The following ADAMTS17 variants were observed in gnomAD, a reference collection of about 807,000 sequenced individuals.
ADAMTS17 encodes the protein ADAM metallopeptidase with thrombospondin type 1 motif 17, also known as A disintegrin and metalloproteinase with thrombospondin motifs 17.
ADAMTS17 carries 113 observed loss-of-function variants against 141.5 expected under a neutral mutation model. The observed-to-expected ratio is 0.80, with a 90% CI of 0.69 to 0.93. ADAMTS17 has a LOEUF of 0.93. Ranked by LOEUF, ADAMTS17 falls within the 40% of genes least tolerant of loss-of-function variation. The probability of loss-of-function intolerance (pLI) is 0.00; values close to 1 mark genes in which losing one functional copy is unlikely to be tolerated. For synonymous variants in ADAMTS17, 768 were observed against 630.6 expected, an observed-to-expected ratio of 1.22 and a Z score of -3.27; for missense variants, 1,659 against 1,517.9, an observed-to-expected ratio of 1.09 and a Z score of -1.54.
rs1387737632 is a variant in ADAMTS17, at chr15:99,976,550, A to G, written c.2950-328T>C. The G allele has an allele frequency of 1.4e-5, 7 of 496,000 alleles. No individual in the cohort carries two copies. The East Asian group carries it at 2.3e-4, about 16-fold the overall frequency. The allele number at this position is 496,000 out of a possible 1,614,324, so 30.7% of individuals were successfully genotyped here. ...ACTGTTTCAAGATGTTATGGAATAC[A>G]TGTTTGTGTCTCTGCAAAATGCAGA... is the stretch of plus-strand genomic sequence containing the variant. On this transcript the variant is annotated intron_variant, in intron 20 of 21. Coordinates refer to ENST00000268070, the MANE Select transcript of ADAMTS17 (RefSeq NM_139057.4).
chr15:100,278,295 G>A (rs1240982455), intron 4 of ADAMTS17, among the ~76,000 whole-genome samples: 2 of 150,710 alleles, frequency 1.3e-5, no homozygotes, highest in Admixed American at 1.3e-4. Context: ...TGGTTCAGAC[G>A]GTGAATTTCG....
intron 3 of ADAMTS17, among the ~76,000 whole-genome samples, chr15:100,291,429 A>G (rs1366422700): frequency 6.6e-6 from 1 of 152,266 alleles, no homozygotes; most frequent in South Asian, 2.1e-4. Context: ...GCTACTATGA[A>G]AATAAATTTG....
At chr15:100,085,665 A>C (rs1354487544) in intron 15 of ADAMTS17, among the ~76,000 whole-genome samples, 5 of 151,532 alleles carry the variant, frequency 3.3e-5, no homozygotes, top group African/African-American at 1.2e-4. Context: ...AAACTCTATA[A>C]GCCAGAAGAG....
At chr15:100,223,069 G>C (rs1211648750) in intron 7 of ADAMTS17, among the ~76,000 whole-genome samples, 1 of 152,202 alleles carries the variant, frequency 6.6e-6, no homozygotes, top group Non-Finnish European at 1.5e-5. Flanking sequence ...TGCGGGTGCA[G>C]GAACATTTCA....
intron 15 of ADAMTS17, among the ~76,000 whole-genome samples, chr15:100,068,096 G>A (rs2033680523): frequency 6.6e-6 from 1 of 152,188 alleles, no homozygotes; most frequent in African/African-American, 2.4e-5. Context: ...CGGCACGCCA[G>A]GAGATTATAT....
chr15:100,146,870 T>C (rs996202733), intron 10 of ADAMTS17, among the ~76,000 whole-genome samples: 2 of 149,916 alleles, frequency 1.3e-5, no homozygotes, highest in African/African-American at 4.9e-5. Flanking sequence ...CTCCCAGGCT[T>C]ATTAGGAAGA....
chr15:100,070,497 G>A (rs1469973240), intron 15 of ADAMTS17, among the ~76,000 whole-genome samples: 1 of 150,130 alleles, frequency 6.7e-6, no homozygotes, highest in African/African-American at 2.5e-5. Context: ...TGGAAGTAAA[G>A]TACTCCTCAG....
rs570496296 is a variant in ADAMTS17 at position 99,991,942 on chromosome 15, T to C, written c.2949+1106A>G. Among the ~76,000 whole-genome samples, 45 of 152,178 alleles carry C rather than the reference T, an allele frequency of 3.0e-4. No homozygotes were observed. In the South Asian group the frequency reaches 3.3e-3, roughly 11 times the overall value. ...CAGGAACAGAAAATCAAACACTGCA[T>C]GTTCTTACTCATAAGTGGGAGGTGA... On this transcript the variant is annotated intron_variant, in intron 20 of 21. Transcript: ENST00000268070.
At chr15:100,260,510 A>T (rs2043479245) in intron 6 of ADAMTS17, among the ~76,000 whole-genome samples, 1 of 151,888 alleles carries the variant, frequency 6.6e-6, no homozygotes, top group South Asian at 2.1e-4. Flanking sequence ...GCTACTCAGG[A>T]GGCTGAGGCA....
chr15:100,200,399 G>A (rs760773013), intron 7 of ADAMTS17, among the ~76,000 whole-genome samples: 8 of 152,046 alleles, frequency 5.3e-5, no homozygotes, highest in South Asian at 2.1e-4. Context: ...TGGGGAGGGC[G>A]AGCCCATGCC....
intron 20 of ADAMTS17, among the ~76,000 whole-genome samples, chr15:99,985,736 A>G (rs2727217): frequency 0.11 from 16,414 of 152,146 alleles, 2,740 homozygotes; most frequent in African/African-American, 0.36. Context: ...ACCACTCTGA[A>G]CCTCAGCTTG....
intron 2 of ADAMTS17, among the ~76,000 whole-genome samples, chr15:100,338,838 C>T (rs1383059446): frequency 6.6e-6 from 1 of 152,202 alleles, no homozygotes; most frequent in African/African-American, 2.4e-5. Flanking sequence ...TCATCAGCCA[C>T]CTGAACTGAG....
intron 8 of ADAMTS17, among the ~76,000 whole-genome samples, chr15:100,178,672 A>C (rs1205331098): frequency 6.6e-6 from 1 of 151,946 alleles, no homozygotes; most frequent in African/African-American, 2.4e-5. Context: ...GTTTTGAAGG[A>C]TCCATATTCT....
chr15:100,201,415 TC>T (rs2041328814), intron 7 of ADAMTS17, among the ~76,000 whole-genome samples: 1 of 152,182 alleles, frequency 6.6e-6, no homozygotes, highest in South Asian at 2.1e-4. Flanking sequence ...TCCTGAGGCC[TC>T]CCCAGCCATG....
chr15:100,149,647 T>G (rs2039071496), intron 10 of ADAMTS17, among the ~76,000 whole-genome samples: 1 of 152,160 alleles, frequency 6.6e-6, no homozygotes, highest in African/African-American at 2.4e-5. Flanking sequence ...CAGAATTAGC[T>G]TCGACTGTGT....
chr15:100,270,920 CCT>C (rs2043885759), intron 4 of ADAMTS17, among the ~76,000 whole-genome samples: 1 of 151,524 alleles, frequency 6.6e-6, no homozygotes, highest in Non-Finnish European at 1.5e-5. Flanking sequence ...TTCCCTCCTC[CCT>C]CTCAGCCATC....
At chr15:100,151,042 TG>T (rs1477735233) in intron 10 of ADAMTS17, among the ~76,000 whole-genome samples, 1 of 152,210 alleles carries the variant, frequency 6.6e-6, no homozygotes, top group Non-Finnish European at 1.5e-5. Flanking sequence ...ATGGTGAGTT[TG>T]GGCACCGCTG....
chr15:100,064,404 G>A (rs1317863803), intron 15 of ADAMTS17, among the ~76,000 whole-genome samples: 1 of 152,176 alleles, frequency 6.6e-6, no homozygotes, highest in Non-Finnish European at 1.5e-5. Flanking sequence ...GGAAACCATA[G>A]CAAAAGAATA....
At chr15:100,092,063 T>C (rs577360941) in intron 15 of ADAMTS17, among the ~76,000 whole-genome samples, 1 of 152,304 alleles carries the variant, frequency 6.6e-6, no homozygotes, top group South Asian at 2.1e-4. Flanking sequence ...TCCTGAAATA[T>C]GAAAACTTTT....
Sources: allele counts gnomAD v4.1 joint callset (sites outside exome capture counted in the v4.1 genomes callset), GRCh38; gene constraint gnomAD v4.1.1; transcripts MANE v1.5; gene names NCBI Gene and HGNC (gene_info 2026-07-23, HGNC 2026-07-21).